The following NHS variants were observed in gnomAD, a reference collection of about 807,000 sequenced individuals.
NHS encodes NHS actin remodeling regulator.
NHS carries 5 observed loss-of-function variants against 72.5 expected under a neutral mutation model. The ratio of observed to expected loss-of-function variants is 0.07; its 90% CI spans 0.04 to 0.14. The LOEUF is 0.14. Ranked by LOEUF, NHS falls within the 10% of genes least tolerant of loss-of-function variation. The probability of loss-of-function intolerance (pLI) is 1.00; values close to 1 mark genes in which losing one functional copy is unlikely to be tolerated. For missense variants in NHS, 1,072 were observed against 1,355.7 expected (o/e 0.79, Z 3.29); for synonymous variants, 464 against 547.7 (o/e 0.85, Z 2.13).
chrX:17,546,089 G>A (rs1394474807), intron 1 of NHS, among the ~76,000 whole-genome samples: 1 of 112,141 alleles, frequency 8.9e-6, no homozygotes, highest in Non-Finnish European at 1.9e-5. Flanking sequence ...GACACCTGAG[G>A]AGGAAGTGCT....
At chrX:17,648,553 T>TA (rs1456426747) in intron 1 of NHS, among the ~76,000 whole-genome samples, 1 of 112,473 alleles carries the variant, frequency 8.9e-6, no homozygotes, top group African/African-American at 3.2e-5. Context: ...TCTACCGTAA[T>TA]AACGAAGCAC....
At chrX:17,617,261 C>G (rs2065751890) in intron 1 of NHS, among the ~76,000 whole-genome samples, 1 of 112,177 alleles carries the variant, frequency 8.9e-6, no homozygotes, top group Non-Finnish European at 1.9e-5. Context: ...CTTCCTTCTG[C>G]AGCCAAGGTC....
At chrX:17,593,390 G>C (rs1408430196) in intron 1 of NHS, among the ~76,000 whole-genome samples, 2 of 110,758 alleles carry the variant, frequency 1.8e-5, no homozygotes, top group Non-Finnish European at 3.8e-5. Flanking sequence ...GGCCCACTGG[G>C]AAGGAACATA....
At chrX:17,385,810 G>T (rs1428671768) in intron 1 of NHS, among the ~76,000 whole-genome samples, 1 of 112,234 alleles carries the variant, frequency 8.9e-6, no homozygotes, top group African/African-American at 3.2e-5. Context: ...AAGTGTAATT[G>T]CTGGATCTAA....
intron 1 of NHS, among the ~76,000 whole-genome samples, chrX:17,461,414 AC>A (rs779937433): frequency 8.9e-6 from 1 of 112,526 alleles, no homozygotes; most frequent in Admixed American, 9.3e-5. Flanking sequence ...GTGTGTTCCA[AC>A]TTTTAGATCC....
chrX:17,681,180 C>A (rs2066126779), intron 1 of NHS, among the ~76,000 whole-genome samples: 1 of 111,808 alleles, frequency 8.9e-6, no homozygotes, highest in South Asian at 3.7e-4. Flanking sequence ...CTTCACTCAA[C>A]AAGAAGACAG....
chrX:17,407,732 C>A (rs765595373), intron 1 of NHS, among the ~76,000 whole-genome samples: 3 of 111,439 alleles, frequency 2.7e-5, no homozygotes, highest in Non-Finnish European at 5.7e-5. Context: ...TTGAACCAAG[C>A]AATTTACATG....
chrX:17,526,486 CA>C (rs2065174128), intron 1 of NHS, among the ~76,000 whole-genome samples: 1 of 112,170 alleles, frequency 8.9e-6, no homozygotes, highest in Non-Finnish European at 1.9e-5. Context: ...GGAACTCAGA[CA>C]GTGCCACTTC....
intron 1 of NHS, among the ~76,000 whole-genome samples, chrX:17,602,858 A>T (rs1310733706): frequency 4.4e-5 from 3 of 68,308 alleles, no homozygotes; most frequent in African/African-American, 8.1e-5. Context: ...TTTTTTTTTT[A>T]AAGACGGGGT....
In NHS at chrX:17,561,574, G is replaced by GCGCACACACA. The variant is rs879101977; in HGVS notation, c.566-126167_566-126166insGCACACACAC. ...CAAGTGCATGCGCGCGCGCGCGCGC[G>GCGCACACACA]CACACACACACACACACACACACAC... On this transcript the variant is annotated intron_variant, in intron 1 of 8. Coordinates refer to ENST00000676302, the MANE Select transcript of NHS (RefSeq NM_001291867.2). Among the ~76,000 whole-genome samples, 258 of 65,399 alleles carry GCGCACACACA rather than the reference G, an allele frequency of 3.9e-3. 2 individuals are homozygous for GCGCACACACA. The highest frequency in any genetic ancestry group is 0.021 in the East Asian group (36 of 1,711). The allele number at this position is 65,399 out of a possible 115,157, so 56.8% of individuals were successfully genotyped here.
At chrX:17,673,237 C>A (rs5909275) in intron 1 of NHS, among the ~76,000 whole-genome samples, 1 of 95,006 alleles carries the variant, frequency 1.1e-5, no homozygotes, top group East Asian at 3.6e-4. Flanking sequence ...CACACACACA[C>A]AAGAAAGCTC....
chrX:17,726,311 C>T lies in NHS; in HGVS notation c.2205C>T (p.Arg735=). 1 of 1,212,088 alleles carries T rather than the reference C, an allele frequency of 8.3e-7. No homozygotes were observed. The highest frequency in any genetic ancestry group is 1.1e-6 in the Non-Finnish European group (1 of 895,622). ...ACCACCACCATGATGCCTCCTGCCG[C>T]CAGGATTTTAGTCCTGAGCGTCCCA... The part of the protein sequence containing the change: ...YLHHHHDASC[R]QDFSPERPKA... The change falls in exon 7 of 9, where the codon CGC becomes CGT. Residue 735 remains arginine (R), a synonymous_variant. Transcript: ENST00000676302.
At chrX:17,552,130 C>T (rs2065339943) in intron 1 of NHS, among the ~76,000 whole-genome samples, 1 of 111,777 alleles carries the variant, frequency 8.9e-6, no homozygotes, top group African/African-American at 3.3e-5. Flanking sequence ...TTAAAGATCA[C>T]ACTACCTCCA....
At chrX:17,449,023 A>G (rs779343419) in intron 1 of NHS, among the ~76,000 whole-genome samples, 4 of 112,817 alleles carry the variant, frequency 3.5e-5, no homozygotes, top group African/African-American at 1.3e-4. Flanking sequence ...TCAGATGAGG[A>G]AACTGAGGCA....
intron 1 of NHS, among the ~76,000 whole-genome samples, chrX:17,513,451 T>C (rs2065100593): frequency 8.9e-6 from 1 of 112,512 alleles, no homozygotes; most frequent in South Asian, 3.7e-4. Flanking sequence ...TTGACCTGGG[T>C]GTGCATGCAG....
chrX:17,380,540 A>G (rs2064372292), intron 1 of NHS, among the ~76,000 whole-genome samples: 1 of 110,377 alleles, frequency 9.1e-6, no homozygotes, highest in African/African-American at 3.3e-5. Context: ...TTTCATAGAG[A>G]CAGGGTTTCG....
chrX:17,494,152 C>T (rs1237155720), intron 1 of NHS, among the ~76,000 whole-genome samples: 1 of 101,622 alleles, frequency 9.8e-6, no homozygotes, highest in African/African-American at 3.7e-5. Context: ...AATCTCAGCT[C>T]ACTGCAGCCT....
rs375788414 is a variant in NHS at position 17,604,157 on chromosome X, A to G, written c.566-83585A>G. Among the ~76,000 whole-genome samples the G allele has an allele frequency of 2.5e-4, 27 of 110,093 alleles. 1 individual carries two copies. The East Asian group carries it at 7.4e-3, about 30-fold the overall frequency. On this transcript the variant is annotated intron_variant, in intron 1 of 8. Transcript: ENST00000676302. ...ACATCTCCAGATAAGAGTTGTTTAT[A>G]TCAAGTTAATGGTACATTGCTTTAA...
intron 8 of NHS, among the ~76,000 whole-genome samples, chrX:17,729,156 A>G (rs1212143105): frequency 9.0e-6 from 1 of 111,653 alleles, no homozygotes; most frequent in Non-Finnish European, 1.9e-5. Context: ...AAAAAATATG[A>G]TCAAAGCTGT....
Sources: allele counts gnomAD v4.1 joint callset (sites outside exome capture counted in the v4.1 genomes callset), GRCh38; gene constraint gnomAD v4.1.1; transcripts MANE v1.5; gene names NCBI Gene and HGNC (gene_info 2026-07-23, HGNC 2026-07-21).